Variants in PTPRT observed in about 807,000 individuals in gnomAD.
The protein encoded by PTPRT is receptor-type tyrosine-protein phosphatase T.
Under a neutral mutation model 176.8 loss-of-function variants are expected in PTPRT, and 56 were observed. That is an observed-to-expected ratio of 0.32 (90% CI 0.26 to 0.40). The LOEUF (loss-of-function observed/expected upper bound fraction) is 0.40. PTPRT is among the 10% of genes least tolerant of loss of function. The pLI, the probability that PTPRT is intolerant of heterozygous loss-of-function variation, is 1.00. For missense variants in PTPRT, 1,540 were observed against 1,908.2 expected (o/e 0.81, Z 3.60); for synonymous variants, 783 against 739.0 (o/e 1.06, Z -0.96).
chr20:42,182,864 C>T (rs1334596646), intron 16 of PTPRT, among the ~76,000 whole-genome samples: 1 of 151,284 alleles, frequency 6.6e-6, no homozygotes, highest in Non-Finnish European at 1.5e-5. Context: ...AGAGAGTTGG[C>T]CATACCCGTT....
At chr20:42,269,694 C>T (rs915307809) in intron 13 of PTPRT, among the ~76,000 whole-genome samples, 2 of 152,138 alleles carry the variant, frequency 1.3e-5, no homozygotes, top group African/African-American at 4.8e-5. Context: ...CATGGCAGCT[C>T]CTTCGATGTC....
intron 1 of PTPRT, among the ~76,000 whole-genome samples, chr20:42,975,322 T>G (rs1257334621): frequency 6.6e-6 from 1 of 152,172 alleles, no homozygotes; most frequent in Non-Finnish European, 1.5e-5. Context: ...TGATAATATT[T>G]ACAGCATGAT....
At chr20:42,466,018 G>A (rs1403515714) in intron 8 of PTPRT, among the ~76,000 whole-genome samples, 9 of 152,136 alleles carry the variant, frequency 5.9e-5, no homozygotes, top group South Asian at 2.1e-4. Context: ...AAGTGAGAAC[G>A]TGCAGTGTTT....
At chr20:43,019,262 T>C (rs1369885578) in intron 1 of PTPRT, among the ~76,000 whole-genome samples, 3 of 152,150 alleles carry the variant, frequency 2.0e-5, no homozygotes, top group African/African-American at 7.2e-5. Flanking sequence ...AGTGTTTCAG[T>C]AGGCACAAAA....
At chr20:42,277,445 C>T (rs914264678) in intron 13 of PTPRT, among the ~76,000 whole-genome samples, 1 of 152,216 alleles carries the variant, frequency 6.6e-6, no homozygotes, top group African/African-American at 2.4e-5. Context: ...CTGCTGCCTG[C>T]TGGCAGCCAG....
At chr20:43,015,132 T>C (rs974005055) in intron 1 of PTPRT, among the ~76,000 whole-genome samples, 8 of 152,226 alleles carry the variant, frequency 5.3e-5, no homozygotes, top group Non-Finnish European at 8.8e-5. Context: ...ATAAGAGACA[T>C]GTTCTTTTAA....
intron 7 of PTPRT, among the ~76,000 whole-genome samples, chr20:42,619,781 T>TTCAGCTCCA (rs1260209520): frequency 7.6e-6 from 1 of 131,794 alleles, no homozygotes; most frequent in Middle Eastern, 3.6e-3. Context: ...AGCCTTGGTT[T>TTCAGCTCCA]TCAGCTCCAT....
intron 7 of PTPRT, among the ~76,000 whole-genome samples, chr20:42,478,723 C>T (rs2071332268): frequency 6.6e-6 from 1 of 152,028 alleles, no homozygotes; most frequent in African/African-American, 2.4e-5. Context: ...ATAATTAATG[C>T]CTCGATGACA....
chr20:42,964,569 CTCTT>C (rs1183971563), intron 1 of PTPRT, among the ~76,000 whole-genome samples: 8 of 152,088 alleles, frequency 5.3e-5, no homozygotes, highest in South Asian at 2.1e-4. Flanking sequence ...TAATACAACT[CTCTT>C]TAAGTCCTGA....
At chr20:42,138,043 C>A (rs13045773) in intron 18 of PTPRT, among the ~76,000 whole-genome samples, 1 of 152,206 alleles carries the variant, frequency 6.6e-6, no homozygotes, top group African/African-American at 2.4e-5. Context: ...GTTGCACATG[C>A]GTCACCATCA....
intron 2 of PTPRT, among the ~76,000 whole-genome samples, chr20:42,827,748 G>C (rs960848879): frequency 2.0e-5 from 3 of 151,842 alleles, no homozygotes; most frequent in African/African-American, 7.3e-5. Flanking sequence ...GTTCTCAAGA[G>C]ATCTGATGGT....
chr20:42,963,056 C>T (rs1228609375), intron 1 of PTPRT, among the ~76,000 whole-genome samples: 2 of 151,960 alleles, frequency 1.3e-5, no homozygotes, highest in Non-Finnish European at 2.9e-5. Context: ...AAAAATTAGC[C>T]GGGCATGGTG....
chr20:42,602,046 C>G (rs2145793011), intron 7 of PTPRT, among the ~76,000 whole-genome samples: 1 of 152,268 alleles, frequency 6.6e-6, no homozygotes, highest in South Asian at 2.1e-4. Context: ...ATACAGGGCT[C>G]CATGCCTTGT....
intron 27 of PTPRT, among the ~76,000 whole-genome samples, chr20:42,096,756 A>ATTTT (rs58111170): frequency 1.3e-3 from 157 of 118,870 alleles, no homozygotes; most frequent in Non-Finnish European, 1.5e-3. Context: ...GCTAATTAAA[A>ATTTT]TTTTTTTTTT....
intron 8 of PTPRT, 43 bp from the exon 9 acceptor site, chr20:42,448,372 T>A: frequency 6.9e-7 from 1 of 1,449,926 alleles, no homozygotes; most frequent in Non-Finnish European, 9.7e-7. Context: ...ACCTTCCACA[T>A]CATTTCTCCA....
intron 1 of PTPRT, among the ~76,000 whole-genome samples, chr20:42,975,806 G>A (rs1348256623): frequency 1.3e-5 from 2 of 151,942 alleles, no homozygotes; most frequent in Non-Finnish European, 2.9e-5. Context: ...AAACCACCAT[G>A]GCACACGTAT....
At chr20:42,652,614 C>T (rs778600219) in intron 7 of PTPRT, among the ~76,000 whole-genome samples, 2 of 152,182 alleles carry the variant, frequency 1.3e-5, no homozygotes, top group Non-Finnish European at 2.9e-5. Flanking sequence ...CAATCCTACT[C>T]ATCACATTCC....
chr20:42,657,463 T>C (rs1038587394), intron 7 of PTPRT, among the ~76,000 whole-genome samples: 2 of 152,208 alleles, frequency 1.3e-5, no homozygotes, highest in Non-Finnish European at 2.9e-5. Context: ...TTTCAGGCTC[T>C]TTCTTCACAA....
chr20:42,269,851 G>A (rs2056900711), intron 13 of PTPRT, among the ~76,000 whole-genome samples: 1 of 152,274 alleles, frequency 6.6e-6, no homozygotes, highest in African/African-American at 2.4e-5. Flanking sequence ...CAGGACAAAT[G>A]GTAGACCTGA....
Sources: allele counts gnomAD v4.1 joint callset (sites outside exome capture counted in the v4.1 genomes callset), GRCh38; gene constraint gnomAD v4.1.1; transcripts MANE v1.5; gene names NCBI Gene and HGNC (gene_info 2026-07-23, HGNC 2026-07-21).